Variants in PPP3CA observed in about 807,000 individuals in gnomAD.
PPP3CA encodes CAM-PRP catalytic subunit.
PPP3CA carries 14 observed loss-of-function variants against 66.5 expected under a neutral mutation model. That is an observed-to-expected ratio of 0.21 (90% CI 0.14 to 0.33). The LOEUF is 0.33. Among genes scored for constraint, PPP3CA ranks in the 10% least tolerant of loss-of-function variants. The pLI, the probability that PPP3CA is intolerant of heterozygous loss-of-function variation, is 1.00. For synonymous variants in PPP3CA, 232 were observed against 226.2 expected, an observed-to-expected ratio of 1.03 and a Z score of -0.23; for missense variants, 317 against 639.5, an observed-to-expected ratio of 0.50 and a Z score of 5.44.
intron 1 of PPP3CA, among the ~76,000 whole-genome samples, chr4:101,207,313 T>G (rs551298954): frequency 5.3e-5 from 8 of 152,306 alleles, no homozygotes; most frequent in Admixed American, 2.6e-4. Flanking sequence ...TGAAGTATGA[T>G]TCAATTAAAA....
chr4:101,052,117 A>T (rs1475740269), intron 10 of PPP3CA, among the ~76,000 whole-genome samples: 1 of 152,090 alleles, frequency 6.6e-6, no homozygotes, highest in Non-Finnish European at 1.5e-5. Context: ...TTGTGCAATC[A>T]TAGTAGTACA....
At chr4:101,109,611 T>C (rs1196728484) in intron 2 of PPP3CA, among the ~76,000 whole-genome samples, 2 of 146,494 alleles carry the variant, frequency 1.4e-5, no homozygotes, top group Non-Finnish European at 3.0e-5. Flanking sequence ...GAATCTAGAA[T>C]GTTATCCATT....
chr4:101,228,770 T>G (rs1725861182), intron 1 of PPP3CA, among the ~76,000 whole-genome samples: 1 of 151,594 alleles, frequency 6.6e-6, no homozygotes, highest in African/African-American at 2.4e-5. Context: ...TCTTCTTAAT[T>G]AATTGCCAGG....
At chr4:101,173,208 G>T (rs1431840189) in intron 2 of PPP3CA, among the ~76,000 whole-genome samples, 1 of 152,114 alleles carries the variant, frequency 6.6e-6, no homozygotes, top group Non-Finnish European at 1.5e-5. Flanking sequence ...TGGGGGATGA[G>T]GGGGTGAGGG....
rs554018439 is a variant in PPP3CA, at chr4:101,130,809, G to A, written c.260-21731C>T. ...AACAAACCAAAATGTAAAGTCTATC[G>A]ATATTATGAAGAAACTCCATCAACT... On this transcript the variant is annotated intron_variant, in intron 2 of 13. Coordinates refer to ENST00000394854, the MANE Select transcript of PPP3CA (RefSeq NM_000944.5). Among the ~76,000 whole-genome samples the A allele has an allele frequency of 1.3e-3, 194 of 152,270 alleles. 2 individuals are homozygous for A. The highest frequency in any genetic ancestry group is 2.3e-3 in the Admixed American group (35 of 15,298).
intron 1 of PPP3CA, among the ~76,000 whole-genome samples, chr4:101,288,566 C>A (rs767489848): frequency 6.9e-6 from 1 of 144,284 alleles, no homozygotes; most frequent in Admixed American, 7.0e-5. Context: ...GGGGAGTGGT[C>A]GGAGGAGGGG....
At chr4:101,300,454 T>C (rs1728338881) in intron 1 of PPP3CA, among the ~76,000 whole-genome samples, 1 of 152,162 alleles carries the variant, frequency 6.6e-6, no homozygotes. Flanking sequence ...AATATTACCA[T>C]AGTGATAAAA....
intron 2 of PPP3CA, among the ~76,000 whole-genome samples, chr4:101,173,090 T>G (rs575112117): frequency 1.3e-5 from 2 of 152,130 alleles, no homozygotes; most frequent in Non-Finnish European, 2.9e-5. Context: ...AGTGTAAAAG[T>G]AGAGCCATTG....
At chr4:101,175,226 C>T (rs533409195) in intron 2 of PPP3CA, among the ~76,000 whole-genome samples, 2 of 152,216 alleles carry the variant, frequency 1.3e-5, no homozygotes, top group South Asian at 2.1e-4. Context: ...AAAGAAAAAA[C>T]GTTTTACTTC....
chr4:101,197,115 CAT>C (rs1172181571), intron 1 of PPP3CA, among the ~76,000 whole-genome samples: 1 of 152,322 alleles, frequency 6.6e-6, no homozygotes, highest in South Asian at 2.1e-4. Flanking sequence ...ATGTATCTTT[CAT>C]GTGCCGTGTG....
At chr4:101,232,565 C>T (rs189798102) in intron 1 of PPP3CA, among the ~76,000 whole-genome samples, 76 of 151,866 alleles carry the variant, frequency 5.0e-4, no homozygotes, top group African/African-American at 1.8e-3. Context: ...TTCCTTCATA[C>T]ATGAGTCAGG....
At chr4:101,083,163 T>A in intron 7 of PPP3CA, 23 bp downstream of exon 7, 1 of 1,419,960 alleles carries the variant, frequency 7.0e-7, no homozygotes, top group Admixed American at 2.6e-5. Context: ...GCATGGTTTT[T>A]ATAAATGCTC....
intron 1 of PPP3CA, among the ~76,000 whole-genome samples, chr4:101,197,788 G>A (rs551051749): frequency 6.6e-6 from 1 of 152,096 alleles, no homozygotes; most frequent in Non-Finnish European, 1.5e-5. Context: ...GAAACCTGAG[G>A]CTCAAAAATA....
chr4:101,234,664 G>A (rs1339145767), intron 1 of PPP3CA, among the ~76,000 whole-genome samples: 1 of 151,432 alleles, frequency 6.6e-6, no homozygotes, highest in East Asian at 1.9e-4. Context: ...TTATCACAAA[G>A]TGGAACCAAT....
At chr4:101,326,233 A>G (rs992039720) in intron 1 of PPP3CA, among the ~76,000 whole-genome samples, 3 of 152,210 alleles carry the variant, frequency 2.0e-5, no homozygotes, top group African/African-American at 7.2e-5. Flanking sequence ...TAACTCCTAC[A>G]TATATCTGAC....
At chr4:101,258,964 C>G (rs921770810) in intron 1 of PPP3CA, among the ~76,000 whole-genome samples, 1 of 152,166 alleles carries the variant, frequency 6.6e-6, no homozygotes, top group Admixed American at 6.6e-5. Context: ...GTTTCTGCTT[C>G]TGAGTTGTCA....
At chr4:101,323,703 T>A (rs1729110324) in intron 1 of PPP3CA, among the ~76,000 whole-genome samples, 1 of 152,216 alleles carries the variant, frequency 6.6e-6, no homozygotes, top group African/African-American at 2.4e-5. Flanking sequence ...CAGCAAATAC[T>A]TATATAGCAC....
intron 1 of PPP3CA, among the ~76,000 whole-genome samples, chr4:101,256,858 A>C (rs189317341): frequency 6.6e-6 from 1 of 152,162 alleles, no homozygotes; most frequent in Non-Finnish European, 1.5e-5. Context: ...CTATGAAGTA[A>C]AGCACTGAAC....
At chr4:101,148,139 G>A (rs1374778898) in intron 2 of PPP3CA, among the ~76,000 whole-genome samples, 2 of 152,044 alleles carry the variant, frequency 1.3e-5, no homozygotes, top group Non-Finnish European at 2.9e-5. Context: ...GCTAAGTCTT[G>A]TCATGATATT....
Sources: gnomAD v4.1 joint callset for allele counts (sites outside exome capture counted in the v4.1 genomes callset) on GRCh38, gnomAD v4.1.1 for gene constraint, MANE v1.5 for transcripts, NCBI Gene and HGNC (gene_info 2026-07-23, HGNC 2026-07-21) for gene names.